Variants in DST observed in about 807,000 individuals in gnomAD.
DST encodes bullous pemphigoid antigen.
Under a neutral mutation model 875.2 loss-of-function variants are expected in DST, and 253 were observed. The ratio of observed to expected loss-of-function variants is 0.29; its 90% CI spans 0.26 to 0.32. The LOEUF is 0.32. Ranked by LOEUF, DST falls within the 10% of genes least tolerant of loss-of-function variation. The pLI, the probability that DST is intolerant of heterozygous loss-of-function variation, is 1.00. For synonymous variants in DST, 3,124 were observed against 3,197.1 expected (o/e 0.98, Z 0.77); for missense variants, 8,287 against 9,111.6 (o/e 0.91, Z 3.68).
Position 56,572,410 on chromosome 6 carries a change from A to G in DST, c.13555-144T>C, listed in dbSNP as rs542817671. On this transcript the variant is annotated intron_variant, in intron 52 of 103. Transcript: ENST00000680361. ...TCTGCCTATGGCCAGTATTCTAAATATAATAAACATGCATATAGGCTATTT... is the reference window on the plus strand; with the variant it reads ...TCTGCCTATGGCCAGTATTCTAAATGTAATAAACATGCATATAGGCTATTT... The G allele has an allele frequency of 9.3e-6, 5 of 535,940 alleles. No homozygotes were observed. In the African/African-American group the frequency reaches 9.7e-5, roughly 10 times the overall value. 33.2% of individuals were successfully genotyped at this position (535,940 alleles called of 1,614,324 possible).
intron 9 of DST, among the ~76,000 whole-genome samples, chr6:56,676,793 T>C (rs936207469): frequency 2.0e-5 from 3 of 151,716 alleles, no homozygotes; most frequent in African/African-American, 4.8e-5. Flanking sequence ...AAGACAAATA[T>C]TGAATGATCT....
chr6:56,886,731 G>A (rs1354596399), intron 3 of DST, among the ~76,000 whole-genome samples: 10 of 147,768 alleles, frequency 6.8e-5, no homozygotes, highest in African/African-American at 2.3e-4. Context: ...GCCGGAGATC[G>A]TGCCATTGCA....
chr6:56,914,926 G>T (rs914865259), intron 2 of DST, among the ~76,000 whole-genome samples: 4 of 152,252 alleles, frequency 2.6e-5, no homozygotes, highest in African/African-American at 9.6e-5. Context: ...GAAGGCAAAT[G>T]AGGAAGGCTG....
chr6:56,853,242 A>G (rs998074637), intron 3 of DST, among the ~76,000 whole-genome samples: 1 of 152,154 alleles, frequency 6.6e-6, no homozygotes, highest in African/African-American at 2.4e-5. Context: ...ACAATAAGGC[A>G]TTAGGCAAAC....
chr6:56,567,660 T>C (rs2097703470), intron 55 of DST, among the ~76,000 whole-genome samples: 1 of 151,914 alleles, frequency 6.6e-6, no homozygotes, highest in African/African-American at 2.4e-5. Context: ...ATAGGATTAA[T>C]AGAGTGGAAT....
In DST at chr6:56,604,515, T is replaced by C. The variant is rs757843682; in HGVS notation, c.10113A>G (p.Gln3371=). 31 of 1,612,546 alleles carry C rather than the reference T, an allele frequency of 1.9e-5. No homozygotes were observed. The highest frequency in any genetic ancestry group is 1.6e-4 in the Middle Eastern group (1 of 6,076). The change falls in exon 40 of 104, where the codon CAA becomes CAG. Residue 3371 remains glutamine, a synonymous_variant. Transcript: ENST00000680361. ...SRLKEGHMNP[Q]EVEEPSACAD... is the part of the protein sequence containing the mutation. ...CACAGGCTGAAGGTTCTTCAACCTC[T>C]TGAGGGTTCATATGACCTTCTTTCA... is the stretch of plus-strand genomic sequence containing the variant.
chr6:56,611,819 T>C (rs1262525007), intron 37 of DST, among the ~76,000 whole-genome samples: 2 of 152,186 alleles, frequency 1.3e-5, no homozygotes, highest in African/African-American at 2.4e-5. Context: ...AATGCCGTCA[T>C]TTTCAAGAGA....
At chr6:56,639,023 C>T in intron 22 of DST, 1 of 573,652 alleles carries the variant, frequency 1.7e-6, no homozygotes, top group Non-Finnish European at 3.1e-6. Context: ...ATATTTACAG[C>T]AATACATCTT....
intron 2 of DST, among the ~76,000 whole-genome samples, chr6:56,910,733 C>T (rs1268037724): frequency 6.6e-6 from 1 of 152,170 alleles, no homozygotes; most frequent in Non-Finnish European, 1.5e-5. Context: ...GATCCACCCA[C>T]CTCGGCCTCC....
chr6:56,784,765 T>C (rs1251314830), intron 4 of DST, among the ~76,000 whole-genome samples: 4 of 152,236 alleles, frequency 2.6e-5, no homozygotes, highest in Non-Finnish European at 5.9e-5. Context: ...CCGTTGCTGG[T>C]GAGGAACTGC....
intron 78 of DST, among the ~76,000 whole-genome samples, chr6:56,503,120 T>C (rs2096191294): frequency 6.6e-6 from 1 of 152,078 alleles, no homozygotes; most frequent in South Asian, 2.1e-4. Flanking sequence ...TTTAACCTGT[T>C]GAGACTAAAT....
intron 52 of DST, 135 bp downstream of exon 52, chr6:56,572,612 G>T: frequency 3.1e-6 from 2 of 641,936 alleles, no homozygotes; most frequent in Non-Finnish European, 4.9e-6. Flanking sequence ...AATTCTTAAA[G>T]GAGTAAAACA....
intron 69 of DST, among the ~76,000 whole-genome samples, chr6:56,519,200 A>C (rs912539730): frequency 6.6e-6 from 1 of 152,190 alleles, no homozygotes; most frequent in Non-Finnish European, 1.5e-5. Context: ...CTAAACGGGT[A>C]CAAAGTCCCA....
intron 55 of DST, among the ~76,000 whole-genome samples, chr6:56,562,785 G>A (rs957034407): frequency 3.6e-5 from 5 of 139,664 alleles, no homozygotes; most frequent in African/African-American, 1.3e-4. Context: ...TCCCATCCCC[G>A]TATCCATGTG....
chr6:56,615,735 CT>C, intron 36 of DST: 1 of 1,614,172 alleles, frequency 6.2e-7, no homozygotes, highest in Non-Finnish European at 8.5e-7. Context: ...TGGAGAGCCT[CT>C]TCTATTGATA....
chr6:56,926,807 G>C (rs17685185), intron 2 of DST, among the ~76,000 whole-genome samples: 23,294 of 152,130 alleles, frequency 0.15, 1,974 homozygotes, highest in Middle Eastern at 0.23. Flanking sequence ...CCTCAAACTG[G>C]TACGCTTATG....
intron 4 of DST, among the ~76,000 whole-genome samples, chr6:56,743,568 GATA>G (rs1184340861): frequency 1.3e-5 from 2 of 151,994 alleles, no homozygotes; most frequent in Non-Finnish European, 2.9e-5. Flanking sequence ...CTGAAACCAG[GATA>G]ATAATAATAG....
chr6:56,921,521 G>C (rs1339230916), intron 2 of DST, among the ~76,000 whole-genome samples: 1 of 152,124 alleles, frequency 6.6e-6, no homozygotes, highest in East Asian at 1.9e-4. Context: ...TTTTGAGATA[G>C]CAATGACTAA....
chr6:56,881,008 C>T (rs888870778), intron 3 of DST, among the ~76,000 whole-genome samples: 6 of 151,446 alleles, frequency 4.0e-5, no homozygotes, highest in African/African-American at 1.2e-4. Context: ...CCACCACGCC[C>T]GGCTAATTTT....
Sources: allele counts gnomAD v4.1 joint callset (sites outside exome capture counted in the v4.1 genomes callset), GRCh38; gene constraint gnomAD v4.1.1; transcripts MANE v1.5; gene names NCBI Gene and HGNC (gene_info 2026-07-23, HGNC 2026-07-21).